The following ZFAND3 variants were observed in gnomAD, a reference collection of about 807,000 sequenced individuals.
ZFAND3 encodes the protein AN1-type zinc finger protein 3.
In ZFAND3, 10 loss-of-function variants were observed where a neutral mutation model predicts 29.6. That is an observed-to-expected ratio of 0.34 (90% CI 0.21 to 0.57). The LOEUF is 0.57. ZFAND3 is among the 20% of genes least tolerant of loss of function. The probability of loss-of-function intolerance (pLI) is 0.86; values close to 1 mark genes in which losing one functional copy is unlikely to be tolerated. For missense variants in ZFAND3, 230 were observed against 304.5 expected, an observed-to-expected ratio of 0.76 and a Z score of 1.82; for synonymous variants, 128 against 112.6, an observed-to-expected ratio of 1.14 and a Z score of -0.87.
At chr6:38,023,852 A>G (rs920800577) in intron 2 of ZFAND3, among the ~76,000 whole-genome samples, 1 of 152,158 alleles carries the variant, frequency 6.6e-6, no homozygotes, top group African/African-American at 2.4e-5. Flanking sequence ...ATTAGGGGAA[A>G]AGGCCAATTT....
chr6:37,940,778 T>C (rs920755088), intron 2 of ZFAND3, among the ~76,000 whole-genome samples: 2 of 152,102 alleles, frequency 1.3e-5, no homozygotes, highest in Admixed American at 1.3e-4. Flanking sequence ...ACTTTTAAAC[T>C]AAATATTGGG....
At chr6:37,892,240 G>A (rs1581739313) in intron 1 of ZFAND3, among the ~76,000 whole-genome samples, 1 of 152,274 alleles carries the variant, frequency 6.6e-6, no homozygotes, top group South Asian at 2.1e-4. Context: ...CAATTAGCTG[G>A]TCAAAGAAAT....
intron 1 of ZFAND3, among the ~76,000 whole-genome samples, chr6:37,845,862 A>G (rs1195420467): frequency 6.6e-6 from 1 of 152,202 alleles, no homozygotes; most frequent in Non-Finnish European, 1.5e-5. Context: ...ATCCTTCATG[A>G]TGTTTACCTT....
At chr6:38,096,797 A>G (rs912591430) in intron 4 of ZFAND3, among the ~76,000 whole-genome samples, 3 of 152,036 alleles carry the variant, frequency 2.0e-5, no homozygotes, top group African/African-American at 2.4e-5. Context: ...TATTTCAACA[A>G]TCATACTTTG....
rs188501428 is a variant in ZFAND3, at chr6:38,060,977, C to T, written c.113-616C>T. The stretch of plus-strand genomic sequence containing the variant: ...TCTGCATTTGGTTGAAAAAAATCCA[C>T]GTGCAAGTGGACCCACACGGTTCAA... On this transcript the variant is annotated intron_variant, in intron 2 of 5. Coordinates refer to ENST00000287218, the MANE Select transcript of ZFAND3 (RefSeq NM_021943.3). Among the ~76,000 whole-genome samples the T allele has an allele frequency of 1.9e-3, 296 of 152,246 alleles. 1 individual carries two copies. Among genetic ancestry groups the T allele is most frequent in the Middle Eastern group, 0.017 (5 of 294 alleles).
chr6:38,064,666 C>CT (rs35827782), intron 3 of ZFAND3, among the ~76,000 whole-genome samples: 4,442 of 115,854 alleles, frequency 0.038, 108 homozygotes, highest in Non-Finnish European at 0.051. Flanking sequence ...CTGCTATGGG[C>CT]TTTTTTTTTT....
chr6:37,827,985 T>C (rs1209577908), intron 1 of ZFAND3, among the ~76,000 whole-genome samples: 1 of 152,200 alleles, frequency 6.6e-6, no homozygotes, highest in Non-Finnish European at 1.5e-5. Context: ...GTGAGGTTGG[T>C]GATGTACTTA....
intron 1 of ZFAND3, among the ~76,000 whole-genome samples, chr6:37,851,765 A>T (rs1210014269): frequency 3.9e-5 from 6 of 152,218 alleles, no homozygotes. Flanking sequence ...AAGGGGACAG[A>T]TTTTCAGCCA....
intron 4 of ZFAND3, among the ~76,000 whole-genome samples, chr6:38,111,028 A>T (rs951305394): frequency 2.0e-5 from 3 of 152,260 alleles, no homozygotes; most frequent in African/African-American, 7.2e-5. Context: ...ACAGTAAGGA[A>T]CAAATGTGAA....
At chr6:38,101,102 A>G (rs1765084018) in intron 4 of ZFAND3, among the ~76,000 whole-genome samples, 1 of 152,232 alleles carries the variant, frequency 6.6e-6, no homozygotes, top group South Asian at 2.1e-4. Flanking sequence ...TTTAGTGAAG[A>G]TGGTTGAATT....
intron 5 of ZFAND3, 50 bp from the exon 6 acceptor site, chr6:38,152,185 T>C (rs747438896): frequency 2.7e-6 from 4 of 1,457,816 alleles, no homozygotes; most frequent in Non-Finnish European, 9.1e-7. Context: ...CTCTGCGCAC[T>C]TGGAGGCCAC....
chr6:37,835,703 G>A (rs1763955010), intron 1 of ZFAND3, among the ~76,000 whole-genome samples: 1 of 152,036 alleles, frequency 6.6e-6, no homozygotes, highest in Non-Finnish European at 1.5e-5. Context: ...TCATGGTTAT[G>A]TTCTTTTGAG....
intron 5 of ZFAND3, among the ~76,000 whole-genome samples, chr6:38,126,084 G>A (rs947125976): frequency 2.1e-4 from 32 of 152,002 alleles, no homozygotes; most frequent in African/African-American, 7.3e-4. Context: ...CTTTTCAGTC[G>A]ATCCATATTC....
At chr6:37,918,433 T>C (rs1315512901) in intron 1 of ZFAND3, among the ~76,000 whole-genome samples, 1 of 152,178 alleles carries the variant, frequency 6.6e-6, no homozygotes, top group African/African-American at 2.4e-5. Flanking sequence ...GTGCTTTTCT[T>C]TCTCAGCCAT....
intron 2 of ZFAND3, among the ~76,000 whole-genome samples, chr6:37,968,722 C>G (rs963173423): frequency 1.3e-4 from 20 of 152,124 alleles, no homozygotes; most frequent in African/African-American, 4.6e-4. Context: ...TCCCGCTTCC[C>G]TTTCTCTGTG....
chr6:37,886,237 C>CAAAAAAAAAAA (rs55661554), intron 1 of ZFAND3, among the ~76,000 whole-genome samples: 5 of 95,276 alleles, frequency 5.2e-5, no homozygotes, highest in Non-Finnish European at 8.5e-5. Context: ...GACTCTGTCT[C>CAAAAAAAAAAA]AAAAAAAAAA....
intron 3 of ZFAND3, among the ~76,000 whole-genome samples, chr6:38,077,365 A>G (rs1224899047): frequency 6.6e-6 from 1 of 152,208 alleles, no homozygotes; most frequent in Non-Finnish European, 1.5e-5. Context: ...GCTGGTTAAA[A>G]ACGGATGATG....
At chr6:37,895,708 A>G (rs1026439395) in intron 1 of ZFAND3, among the ~76,000 whole-genome samples, 11 of 152,186 alleles carry the variant, frequency 7.2e-5, no homozygotes, top group Admixed American at 6.5e-5. Context: ...TTTAAATTGT[A>G]TACCAGAGAT....
At chr6:38,111,727 T>A (rs943671807) in intron 4 of ZFAND3, among the ~76,000 whole-genome samples, 2 of 152,162 alleles carry the variant, frequency 1.3e-5, no homozygotes, top group African/African-American at 4.8e-5. Context: ...GTTAATTGTC[T>A]GTGTGTTATC....
Sources: allele counts gnomAD v4.1 joint callset (sites outside exome capture counted in the v4.1 genomes callset), GRCh38; gene constraint gnomAD v4.1.1; transcripts MANE v1.5; gene names NCBI Gene and HGNC (gene_info 2026-07-23, HGNC 2026-07-21).